The following KHDRBS2 variants were observed in gnomAD, a reference collection of about 807,000 sequenced individuals.
The protein encoded by KHDRBS2 is KH RNA binding domain containing, signal transduction associated 2.
A neutral mutation model predicts 44.3 loss-of-function variants in KHDRBS2; 26 were observed. The ratio of observed to expected loss-of-function variants is 0.59; its 90% CI spans 0.43 to 0.81. The LOEUF (loss-of-function observed/expected upper bound fraction) is 0.81. Among genes scored for constraint, KHDRBS2 ranks in the 40% least tolerant of loss-of-function variants. The pLI is 0.00. For synonymous variants in KHDRBS2, 194 were observed against 151.1 expected (o/e 1.28, Z -2.08); for missense variants, 476 against 433.1 (o/e 1.10, Z -0.88).
chr6:61,685,326 A>T (rs1341401331), intron 8 of KHDRBS2, among the ~76,000 whole-genome samples: 2 of 151,824 alleles, frequency 1.3e-5, no homozygotes, highest in African/African-American at 2.4e-5. Context: ...TCTAAGATCT[A>T]TGAAAGGAGA....
chr6:61,566,415 A>G, the KHDRBS2 span, among the ~76,000 whole-genome samples: 7 of 152,184 alleles, frequency 4.6e-5, no homozygotes, highest in African/African-American at 1.4e-4. Context: ...AACACAAACA[A>G]ATGATTAATG....
At chr6:61,609,190 T>G in the KHDRBS2 span, among the ~76,000 whole-genome samples, 2 of 152,132 alleles carry the variant, frequency 1.3e-5, no homozygotes, top group African/African-American at 4.8e-5. Context: ...AAACCCCATT[T>G]CTACCAAAAA....
chr6:62,134,879 C>T (rs1323924489), intron 2 of KHDRBS2, among the ~76,000 whole-genome samples: 2 of 152,192 alleles, frequency 1.3e-5, no homozygotes, highest in South Asian at 2.1e-4. Flanking sequence ...AACGCCTGTA[C>T]TCCCATTGTA....
At chr6:62,000,252 A>G (rs1186058540) in intron 3 of KHDRBS2, among the ~76,000 whole-genome samples, 1 of 152,184 alleles carries the variant, frequency 6.6e-6, no homozygotes, top group African/African-American at 2.4e-5. Context: ...ATAGGCAGAT[A>G]TGCAGAAGAA....
At chr6:62,268,589 A>G (rs1348841833) in intron 1 of KHDRBS2, among the ~76,000 whole-genome samples, 2 of 152,058 alleles carry the variant, frequency 1.3e-5, no homozygotes, top group Non-Finnish European at 2.9e-5. Context: ...TGTATAAAAT[A>G]TATTGTTTTC....
At chr6:61,890,904 G>A (rs1801723590) in intron 6 of KHDRBS2, among the ~76,000 whole-genome samples, 1 of 152,094 alleles carries the variant, frequency 6.6e-6, no homozygotes, top group African/African-American at 2.4e-5. Context: ...AAGATACTTA[G>A]ATGAACACAT....
intron 8 of KHDRBS2, among the ~76,000 whole-genome samples, chr6:61,695,933 C>T (rs868790067): frequency 3.4e-4 from 51 of 152,132 alleles, no homozygotes; most frequent in African/African-American, 1.2e-3. Flanking sequence ...TTTTCTCTTC[C>T]CCACAGAGAG....
chr6:62,264,599 A>G (rs1423151044), intron 1 of KHDRBS2, among the ~76,000 whole-genome samples: 1 of 151,758 alleles, frequency 6.6e-6, no homozygotes, highest in African/African-American at 2.4e-5. Context: ...AAGAATTCAC[A>G]AAAGACCGTT....
At chr6:61,925,579 T>C (rs1808798029) in intron 4 of KHDRBS2, among the ~76,000 whole-genome samples, 1 of 151,914 alleles carries the variant, frequency 6.6e-6, no homozygotes, top group Non-Finnish European at 1.5e-5. Flanking sequence ...CCAGGCATAG[T>C]GGTGTGCACC....
intron 2 of KHDRBS2, among the ~76,000 whole-genome samples, chr6:62,168,712 CT>C (rs1370113409): frequency 6.6e-6 from 1 of 151,988 alleles, no homozygotes; most frequent in Admixed American, 6.6e-5. Flanking sequence ...CTTTTGGTAT[CT>C]GTAACAGCTT....
At chr6:61,720,150 G>A (rs1343641588) in intron 7 of KHDRBS2, among the ~76,000 whole-genome samples, 1 of 152,290 alleles carries the variant, frequency 6.6e-6, no homozygotes, top group South Asian at 2.1e-4. Flanking sequence ...GTGTATATGT[G>A]CCACGTTTTC....
the KHDRBS2 span, among the ~76,000 whole-genome samples, chr6:61,558,232 A>G: frequency 0.21 from 32,150 of 151,576 alleles, 3,654 homozygotes; most frequent in East Asian, 0.29. Context: ...GTTTATTTGA[A>G]GTTTTCTTAC....
chr6:61,546,238 G>A, the KHDRBS2 span, among the ~76,000 whole-genome samples: 1 of 151,768 alleles, frequency 6.6e-6, no homozygotes, highest in African/African-American at 2.4e-5. Flanking sequence ...TAAGTAGGAT[G>A]TACATATTTG....
intron 6 of KHDRBS2, among the ~76,000 whole-genome samples, chr6:61,755,716 C>G (rs1313108899): frequency 6.7e-6 from 1 of 149,500 alleles, no homozygotes; most frequent in Non-Finnish European, 1.5e-5. Context: ...GAGGAAGTAG[C>G]TTGAACCTGG....
At chr6:62,048,438 T>C (rs1039654383) in intron 2 of KHDRBS2, among the ~76,000 whole-genome samples, 1 of 152,040 alleles carries the variant, frequency 6.6e-6, no homozygotes, top group East Asian at 1.9e-4. Flanking sequence ...TTAAAATCGA[T>C]GCTTTAAATT....
chr6:62,094,667 T>C (rs1405785966), intron 2 of KHDRBS2, among the ~76,000 whole-genome samples: 4 of 151,962 alleles, frequency 2.6e-5, no homozygotes, highest in Non-Finnish European at 4.4e-5. Flanking sequence ...TCCCCCTACT[T>C]TCTCCTAGTA....
chr6:62,078,544 T>C (rs1166158072), intron 2 of KHDRBS2, among the ~76,000 whole-genome samples: 2 of 151,972 alleles, frequency 1.3e-5, no homozygotes, highest in African/African-American at 4.8e-5. Flanking sequence ...TTACTTGACT[T>C]CTAAGAGAAA....
intron 5 of KHDRBS2, among the ~76,000 whole-genome samples, chr6:61,899,530 T>C (rs1803537909): frequency 6.6e-6 from 1 of 151,882 alleles, no homozygotes; most frequent in Admixed American, 6.6e-5. Context: ...TATATTAAAA[T>C]CCAGGCCATA....
intron 1 of KHDRBS2, among the ~76,000 whole-genome samples, chr6:62,248,139 A>C (rs530053872): frequency 6.6e-6 from 1 of 152,144 alleles, no homozygotes; most frequent in South Asian, 2.1e-4. Context: ...AATTTAATTA[A>C]ATTAGCATAA....
Sources: allele counts gnomAD v4.1 joint callset (sites outside exome capture counted in the v4.1 genomes callset), GRCh38; gene constraint gnomAD v4.1.1; transcripts MANE v1.5; gene names NCBI Gene and HGNC (gene_info 2026-07-23, HGNC 2026-07-21).